The following MAP7D3 variants were observed in gnomAD, a reference collection of about 807,000 sequenced individuals.
The protein encoded by MAP7D3 is MAP7 domain containing 3, also known as MAP7 domain-containing protein 3.
MAP7D3 carries 45 observed loss-of-function variants against 62.2 expected under a neutral mutation model. The observed-to-expected ratio is 0.72, with a 90% confidence interval of 0.57 to 0.93. The LOEUF (loss-of-function observed/expected upper bound fraction) is 0.93. Among genes scored for constraint, MAP7D3 ranks in the 40% least tolerant of loss-of-function variants. MAP7D3 has a pLI of 0.00. For missense variants in MAP7D3, 711 were observed against 683.1 expected, an observed-to-expected ratio of 1.04 and a Z score of -0.45; for synonymous variants, 288 against 248.8, an observed-to-expected ratio of 1.16 and a Z score of -1.48.
chrX:136,230,083 A>C (rs1225480110), intron 10 of MAP7D3, among the ~76,000 whole-genome samples: 3 of 101,208 alleles, frequency 3.0e-5, no homozygotes, highest in African/African-American at 1.1e-4. Context: ...CTCTCACCTC[A>C]GCCTCCCAAA....
At position 136,244,175 on chromosome X, in the gene MAP7D3, C is replaced by T. The variant is rs749869272; in HGVS notation, c.417+457G>A. Among the ~76,000 whole-genome samples the T allele has an allele frequency of 4.5e-5, 5 of 111,153 alleles. No homozygotes were observed. The South Asian group carries it at 1.9e-3, about 43-fold the overall frequency. ...GAGCCAGGGAAGCTGAAAAGGAGAGCGAATGCCCTGATTTGGCTGGGGAGT... is the reference window on the plus strand; with the variant it reads ...GAGCCAGGGAAGCTGAAAAGGAGAGTGAATGCCCTGATTTGGCTGGGGAGT... On this transcript the variant is annotated intron_variant, in intron 4 of 18. Coordinates refer to ENST00000316077, the MANE Select transcript of MAP7D3 (RefSeq NM_024597.4).
upstream of MAP7D3, among the ~76,000 whole-genome samples, chrX:136,254,702 G>T (rs1355992569): frequency 9.0e-6 from 1 of 111,015 alleles, no homozygotes; most frequent in Non-Finnish European, 1.9e-5. Context: ...ACTTATTCTG[G>T]GCCTGAGATG....
chrX:136,228,845 A>AAT (rs768732820), intron 10 of MAP7D3, 87 bp from the exon 11 acceptor site: 115 of 743,202 alleles, frequency 1.5e-4, no homozygotes, highest in East Asian at 1.8e-4. Flanking sequence ...AAAACATTAA[A>AAT]ATATATATAT....
rs773572395 is a variant in MAP7D3, at chrX:136,246,064, C to A, written c.253+1G>T. 3.3e-5 allele frequency: 39 copies of A among 1,176,066 alleles called. No individual in the cohort carries two copies. The highest frequency in any genetic ancestry group is 4.2e-5 in the Non-Finnish European group (37 of 872,584). ...TTTTTGAAAAAAGGTCTAAAATATA[C>A]CGTCTTGCTGTCTCCTTTTCTCCTC... On this transcript the variant is annotated splice_donor_variant, in intron 3 of 18. Coordinates refer to ENST00000316077, the MANE Select transcript of MAP7D3 (RefSeq NM_024597.4). LOFTEE classifies it high-confidence loss of function.
intron 4 of MAP7D3, among the ~76,000 whole-genome samples, chrX:136,243,378 G>C (rs1163556608): frequency 8.9e-6 from 1 of 111,808 alleles, no homozygotes; most frequent in African/African-American, 3.3e-5. Context: ...GAGACCAAAA[G>C]ACAGACTAAG....
At chrX:136,221,048 G>T (rs2074121031) in intron 15 of MAP7D3, 85 bp from the exon 16 acceptor site, 3 of 710,819 alleles carry the variant, frequency 4.2e-6, no homozygotes, top group Non-Finnish European at 6.6e-6. Context: ...GATGGGATGG[G>T]GAGTGGGTAC....
chrX:136,252,442 T>A (rs1461669619), upstream of MAP7D3, among the ~76,000 whole-genome samples: 1 of 104,661 alleles, frequency 9.6e-6, no homozygotes, highest in Non-Finnish European at 2.0e-5. Context: ...TTTGGGAGGC[T>A]GAGGTGGGTG....
chrX:136,229,967 A>G (rs1283665989), intron 10 of MAP7D3, among the ~76,000 whole-genome samples: 5 of 23,838 alleles, frequency 2.1e-4, no homozygotes, highest in African/African-American at 5.4e-4. Context: ...GTGTGTGTAT[A>G]TATATATATA....
intron 12 of MAP7D3, among the ~76,000 whole-genome samples, chrX:136,226,466 T>C (rs2074198422): frequency 1.8e-5 from 2 of 112,352 alleles, no homozygotes. Flanking sequence ...TGGGCTATGG[T>C]AATAATTCAA....
chrX:136,252,676 C>CAAAAAAAAAAAAAA (rs770751343), upstream of MAP7D3, among the ~76,000 whole-genome samples: 7 of 36,049 alleles, frequency 1.9e-4, no homozygotes, highest in Admixed American at 4.6e-4. Context: ...GACTCTGTCT[C>CAAAAAAAAAAAAAA]AAAAAAAAAA....
intron 14 of MAP7D3, among the ~76,000 whole-genome samples, chrX:136,224,005 T>C (rs1234626343): frequency 9.8e-6 from 1 of 101,789 alleles, no homozygotes; most frequent in African/African-American, 3.6e-5. Context: ...TGAGCCATGA[T>C]TGCGCCACTG....
rs2074252207 is a variant in MAP7D3, at chrX:136,230,387, T to A, written c.1748A>T (p.Glu583Val). Residue 583 changes from glutamate to valine, a missense_variant and splice_region_variant, in exon 10 of 19, where the codon GAA (glutamate) becomes GTA (valine). Transcript: ENST00000316077. The part of the protein sequence containing the change: ...EALSQRHMIY[E>V]ESGNKSTAGI... Reference sequence around the variant, plus strand: ...AACTTCTTAGTGAAAGAACTTACCTTCATAGATCATATGCCTTTGGCTCAA... The same window carrying A: ...AACTTCTTAGTGAAAGAACTTACCTACATAGATCATATGCCTTTGGCTCAA... 1 of 1,140,009 alleles carries A rather than the reference T, an allele frequency of 8.8e-7. No individual in the cohort carries two copies. The highest frequency in any genetic ancestry group is 1.8e-5 in the African/African-American group (1 of 55,698). The allele number at this position is 1,140,009 out of a possible 1,213,427, so 93.9% of individuals were successfully genotyped here.
chrX:136,224,731 A>C, intron 14 of MAP7D3, 96 bp downstream of exon 14: 1 of 547,025 alleles, frequency 1.8e-6, no homozygotes. Flanking sequence ...GTAATACTTT[A>C]TTTCATTACC....
At chrX:136,230,810 T>G (rs774762438) in intron 9 of MAP7D3, 29 bp downstream of exon 9, 1 of 1,194,878 alleles carries the variant, frequency 8.4e-7, no homozygotes, top group Admixed American at 2.3e-5. Flanking sequence ...AAAACGCCTA[T>G]CAGGAACAGT....
In MAP7D3 at chrX:136,246,160, A is replaced by G; in HGVS notation, c.170-12T>C. On this transcript the variant is annotated splice_polypyrimidine_tract_variant and intron_variant, in intron 2 of 18. Coordinates refer to ENST00000316077, the MANE Select transcript of MAP7D3 (RefSeq NM_024597.4). ...GGATCCATCGATTACTAAAAAAAAA[A>G]GAATATAGTTAGATATTAATAGGAT... The G allele has an allele frequency of 6.1e-6, 7 of 1,142,584 alleles. No individual in the cohort carries two copies. In the South Asian group the frequency reaches 9.4e-5, roughly 15 times the overall value. The allele number at this position is 1,142,584 out of a possible 1,213,427, so 94.2% of individuals were successfully genotyped here.
chrX:136,249,459 T>C (rs1209222785), intron 1 of MAP7D3, among the ~76,000 whole-genome samples: 1 of 112,497 alleles, frequency 8.9e-6, no homozygotes, highest in Non-Finnish European at 1.9e-5. Context: ...TATAAACACG[T>C]GTTTTGTTAA....
intron 1 of MAP7D3, among the ~76,000 whole-genome samples, chrX:136,247,590 A>AT (rs35551706): frequency 0.06 from 5,689 of 94,257 alleles, 323 homozygotes; most frequent in African/African-American, 0.17. Context: ...AAGGATCACC[A>AT]TTTTTTTTTT....
intron 7 of MAP7D3, among the ~76,000 whole-genome samples, chrX:136,235,098 C>T (rs1387170955): frequency 8.9e-6 from 1 of 111,920 alleles, no homozygotes; most frequent in Admixed American, 9.5e-5. Context: ...GAGCCATTCC[C>T]CACCGTATGA....
In MAP7D3 at chrX:136,251,196, C is replaced by T. The variant is rs1019599838; in HGVS notation, c.70+93G>A. The stretch of plus-strand genomic sequence containing the variant: ...GCGACTCCAGGGAAAAGTTTTGTGG[C>T]GCCCGCTGCGCCGCTCCGACGGCCC... On this transcript the variant is annotated intron_variant, in intron 1 of 18. Transcript: ENST00000316077. 9.0e-6 allele frequency: 7 copies of T among 774,082 alleles called. No homozygotes were observed. The African/African-American group carries it at 1.3e-4, about 15-fold the overall frequency. 63.8% of individuals were successfully genotyped at this position (774,082 alleles called of 1,213,427 possible). A position where few individuals can be genotyped will look rare whatever the true frequency, so the allele number is the denominator to read the frequency against.
Sources: allele counts gnomAD v4.1 joint callset (sites outside exome capture counted in the v4.1 genomes callset), GRCh38; gene constraint gnomAD v4.1.1; transcripts MANE v1.5; gene names NCBI Gene and HGNC (gene_info 2026-07-23, HGNC 2026-07-21).